TCF4: variants seen among roughly 807,000 people sequenced by gnomAD.
TCF4 encodes transcription factor 4.
TCF4 carries 3 observed loss-of-function variants against 82.1 expected under a neutral mutation model. That is an observed-to-expected ratio of 0.04 (90% confidence interval 0.02 to 0.09). The LOEUF is 0.09. TCF4 is among the 10% of genes least tolerant of loss of function. The pLI is 1.00. For missense variants in TCF4, 518 were observed against 852.7 expected (o/e 0.61, Z 4.89); for synonymous variants, 276 against 309.6 (o/e 0.89, Z 1.14).
chr18:55,526,465 T>C (rs1196660465), intron 3 of TCF4, among the ~76,000 whole-genome samples: 4 of 152,132 alleles, frequency 2.6e-5, no homozygotes, highest in Non-Finnish European at 5.9e-5. Context: ...ATTCTAAGAG[T>C]ACATAGATAA....
rs1246781000 is a variant in TCF4 at position 55,572,431 on chromosome 18, G to C, written c.145+12849C>G. Among the ~76,000 whole-genome samples the C allele has an allele frequency of 3.9e-5, 6 of 152,144 alleles. No individual in the cohort carries two copies. The South Asian group carries it at 6.2e-4, about 16-fold the overall frequency. On this transcript the variant is annotated intron_variant, in intron 3 of 19. Transcript: ENST00000354452. ...ACTGAGAAAATGGAGTGAGGAGGGA[G>C]GGGAGAGAGAGAGGTGGTCAACAGA...
chr18:55,534,837 C>G (rs2097101197), intron 3 of TCF4, among the ~76,000 whole-genome samples: 1 of 152,172 alleles, frequency 6.6e-6, no homozygotes, highest in Non-Finnish European at 1.5e-5. Flanking sequence ...TGAAAAATAT[C>G]ACGATGTAAC....
At chr18:55,351,249 G>A (rs1186899805) in intron 6 of TCF4, 1 of 457,718 alleles carries the variant, frequency 2.2e-6, no homozygotes, top group African/African-American at 2.0e-5. Flanking sequence ...ATTTTTTTAA[G>A]TCTTTTAAGA....
intron 6 of TCF4, among the ~76,000 whole-genome samples, chr18:55,353,332 G>A (rs1569149296): frequency 1.3e-5 from 2 of 152,106 alleles, no homozygotes; most frequent in Non-Finnish European, 1.5e-5. Context: ...AATAAATCAC[G>A]CATCCAACTC....
chr18:55,321,840 A>C, intron 8 of TCF4: 2 of 1,486,664 alleles, frequency 1.3e-6, no homozygotes, highest in African/African-American at 1.4e-5. Flanking sequence ...ATTTTCCCAT[A>C]TGGCCGGGCC....
chr18:55,489,090 T>C (rs2096548539), intron 3 of TCF4, among the ~76,000 whole-genome samples: 1 of 152,128 alleles, frequency 6.6e-6, no homozygotes, highest in Non-Finnish European at 1.5e-5. Flanking sequence ...AGCCCAGGAA[T>C]CTGCAGTTAC....
intron 8 of TCF4, among the ~76,000 whole-genome samples, chr18:55,291,662 G>A (rs1455266711): frequency 1.3e-5 from 2 of 152,166 alleles, no homozygotes; most frequent in Non-Finnish European, 2.9e-5. Flanking sequence ...CAACATCTAT[G>A]TCCAATCAGC....
chr18:55,559,221 T>C (rs2097333763), intron 3 of TCF4, among the ~76,000 whole-genome samples: 1 of 151,808 alleles, frequency 6.6e-6, no homozygotes, highest in African/African-American at 2.4e-5. Context: ...TACCTTAATT[T>C]GGCCTTAATG....
rs968464011 is a variant in TCF4 at position 55,228,745 on chromosome 18, A to C, written c.1879+102T>G. Reference sequence around the variant, plus strand: ...AAACAATTCTTTGGAATGATGCTTGAAAGTCTACTGTCTGCCACTGCTCAA... The same window carrying C: ...AAACAATTCTTTGGAATGATGCTTGCAAGTCTACTGTCTGCCACTGCTCAA... On this transcript the variant is annotated intron_variant, in intron 18 of 19. Coordinates refer to ENST00000354452, the MANE Select transcript of TCF4 (RefSeq NM_001083962.2). The C allele has an allele frequency of 2.6e-5, 31 of 1,198,822 alleles. No homozygotes were observed. In the Admixed American group the frequency reaches 4.4e-4, roughly 17 times the overall value. The allele number at this position is 1,198,822 out of a possible 1,614,324, so 74.3% of individuals were successfully genotyped here.
At chr18:55,519,125 A>G (rs930940368) in intron 3 of TCF4, 3 of 152,188 alleles carry the variant, frequency 2.0e-5, no homozygotes, top group African/African-American at 7.2e-5. Context: ...CAGGATCATG[A>G]ATCTTAAAAA....
At chr18:55,381,137 C>G (rs532929315) in intron 6 of TCF4, among the ~76,000 whole-genome samples, 99 of 152,082 alleles carry the variant, frequency 6.5e-4, no homozygotes, top group African/African-American at 2.2e-3. Context: ...AAGAATAGCA[C>G]GAAATGTCTT....
At chr18:55,330,421 G>A (rs1339368424) in intron 8 of TCF4, among the ~76,000 whole-genome samples, 2 of 151,856 alleles carry the variant, frequency 1.3e-5, no homozygotes, top group South Asian at 2.1e-4. Flanking sequence ...CTCGTGATCC[G>A]CCTGCCTCGG....
intron 5 of TCF4, among the ~76,000 whole-genome samples, chr18:55,457,613 G>A (rs2095790243): frequency 6.6e-6 from 1 of 152,174 alleles, no homozygotes; most frequent in Non-Finnish European, 1.5e-5. Flanking sequence ...GGCCTCCCAA[G>A]TAGTTGGGAC....
At chr18:55,417,490 G>A (rs1037640955) in intron 5 of TCF4, among the ~76,000 whole-genome samples, 1 of 152,140 alleles carries the variant, frequency 6.6e-6, no homozygotes, top group Non-Finnish European at 1.5e-5. Flanking sequence ...CTTAAAACCT[G>A]TACAGTCAGA....
At chr18:55,435,306 A>T (rs1302305938) in intron 5 of TCF4, among the ~76,000 whole-genome samples, 1 of 152,224 alleles carries the variant, frequency 6.6e-6, no homozygotes, top group Non-Finnish European at 1.5e-5. Flanking sequence ...GAGGACTGGA[A>T]ATGATTGCAA....
At chr18:55,243,390 G>A (rs1340222246) in intron 15 of TCF4, among the ~76,000 whole-genome samples, 1 of 152,160 alleles carries the variant, frequency 6.6e-6, no homozygotes, top group Non-Finnish European at 1.5e-5. Context: ...CACTGTATGT[G>A]TGTATTATTG....
Position 55,350,955 on chromosome 18 carries a change from A to G in TCF4, c.418T>C (p.Ser140Pro). The change falls in exon 7 of 20, where the codon TCG (serine) becomes CCG (proline). Residue 140 changes from serine (S) to proline (P), a missense_variant. Physicochemically the swap from Ser to Pro is moderately conservative, Grantham distance 74. This residue lies in a region of TCF4 where 211 missense variants were observed against 327.4 expected (regional missense o/e 0.64). Transcript: ENST00000354452. ...DMDMGNPGTL[S>P]PTKPGSQYYQ... The stretch of plus-strand genomic sequence containing the variant: ...TACTGGGAACCAGGTTTGGTGGGCG[A>G]AAGGGTTCCTGGGTTGCCCATATCC... 1 of 1,613,610 alleles carries G rather than the reference A, an allele frequency of 6.2e-7. No individual in the cohort carries two copies. The highest frequency in any genetic ancestry group is 8.5e-7 in the Non-Finnish European group (1 of 1,179,608).
intron 5 of TCF4, among the ~76,000 whole-genome samples, chr18:55,419,817 G>T (rs1253910264): frequency 6.6e-6 from 1 of 152,200 alleles, no homozygotes; most frequent in Non-Finnish European, 1.5e-5. Context: ...AGGGAAATAT[G>T]AGAAGCGACT....
At chr18:55,492,029 T>C (rs1485860135) in intron 3 of TCF4, 2 of 152,170 alleles carry the variant, frequency 1.3e-5, no homozygotes, top group African/African-American at 2.4e-5. Flanking sequence ...TTGGTGCAAA[T>C]TGTGCGTCTG....
Sources: gnomAD v4.1 joint callset for allele counts (sites outside exome capture counted in the v4.1 genomes callset) on GRCh38, gnomAD v4.1.1 for gene constraint, gnomAD v4.1.1 regional missense constraint, MANE v1.5 for transcripts, NCBI Gene and HGNC (gene_info 2026-07-23, HGNC 2026-07-21) for gene names.